Variants in PLXDC2 observed in about 807,000 individuals in gnomAD.
PLXDC2 encodes the protein plexin domain-containing protein 2.
A neutral mutation model predicts 68.9 loss-of-function variants in PLXDC2; 40 were observed. The ratio of observed to expected loss-of-function variants is 0.58; its 90% CI spans 0.45 to 0.76. The LOEUF (loss-of-function observed/expected upper bound fraction) is 0.76. Ranked by LOEUF, PLXDC2 falls within the 30% of genes least tolerant of loss-of-function variation. PLXDC2 has a pLI of 0.00. For missense variants in PLXDC2, 644 were observed against 661.9 expected (o/e 0.97, Z 0.30); for synonymous variants, 243 against 234.2 (o/e 1.04, Z -0.34).
chr10:19,858,934 C>T (rs1837266522), intron 1 of PLXDC2, among the ~76,000 whole-genome samples: 1 of 151,556 alleles, frequency 6.6e-6, no homozygotes, highest in African/African-American at 2.4e-5. Flanking sequence ...ATGGCGCCAA[C>T]ATCTACATCT....
At chr10:19,970,314 A>G (rs926384519) in intron 1 of PLXDC2, among the ~76,000 whole-genome samples, 6 of 152,196 alleles carry the variant, frequency 3.9e-5, no homozygotes, top group Non-Finnish European at 4.4e-5. Flanking sequence ...CTGCCTCATC[A>G]TCATCATAAT....
At chr10:20,141,959 T>A (rs922567520) in intron 4 of PLXDC2, among the ~76,000 whole-genome samples, 1 of 151,990 alleles carries the variant, frequency 6.6e-6, no homozygotes, top group African/African-American at 2.4e-5. Context: ...CAGTTAAAAA[T>A]TTTTTTAGAT....
At chr10:20,095,816 G>T (rs1833342221) in intron 4 of PLXDC2, among the ~76,000 whole-genome samples, 1 of 152,108 alleles carries the variant, frequency 6.6e-6, no homozygotes, top group African/African-American at 2.4e-5. Context: ...GCTTAAAGAA[G>T]AAAATAGTTA....
At chr10:20,123,290 T>G (rs576918062) in intron 4 of PLXDC2, among the ~76,000 whole-genome samples, 25 of 151,664 alleles carry the variant, frequency 1.6e-4, no homozygotes, top group Non-Finnish European at 2.5e-4. Flanking sequence ...ACGCTTGGGG[T>G]TGGGACTGAG....
rs115047935 is a variant in PLXDC2 at position 20,091,735 on chromosome 10, T to C, written c.541+23496T>C. 415 of 152,338 alleles carry C rather than the reference T, an allele frequency of 2.7e-3. 1 individual carries two copies. Among genetic ancestry groups the C allele is most frequent in the African/African-American group, 9.6e-3 (398 of 41,570 alleles). The allele number at this position is 152,338 out of a possible 1,614,324, so 9.4% of individuals were successfully genotyped here. A position where few individuals can be genotyped will look rare whatever the true frequency, so the allele number is the denominator to read the frequency against. ...AGGGCTCCTCCTCAGATTCCTTACC[T>C]GGATTATCCCTGCAGGTCCTAGGGC... On this transcript the variant is annotated intron_variant, in intron 4 of 13. Transcript: ENST00000377252.
intron 4 of PLXDC2, among the ~76,000 whole-genome samples, chr10:20,127,602 A>G (rs1187937742): frequency 6.6e-6 from 1 of 152,210 alleles, no homozygotes; most frequent in Non-Finnish European, 1.5e-5. Flanking sequence ...ATCCAAAGGC[A>G]GCCCCCTCTT....
intron 7 of PLXDC2, among the ~76,000 whole-genome samples, chr10:20,172,097 G>A (rs1280861225): frequency 6.6e-6 from 1 of 151,946 alleles, no homozygotes; most frequent in African/African-American, 2.4e-5. Context: ...ACATTTATAC[G>A]AATTTAAAAG....
At chr10:19,955,366 T>C (rs1294851063) in intron 1 of PLXDC2, among the ~76,000 whole-genome samples, 1 of 151,828 alleles carries the variant, frequency 6.6e-6, no homozygotes, top group Admixed American at 6.6e-5. Context: ...CTGAACTATG[T>C]TCCTAGAAAA....
intron 1 of PLXDC2, among the ~76,000 whole-genome samples, chr10:19,952,757 A>G (rs1479105904): frequency 1.3e-5 from 2 of 152,240 alleles, no homozygotes; most frequent in African/African-American, 4.8e-5. Context: ...TGAGATCTGT[A>G]GAAGAATAGG....
At chr10:20,276,657 G>A (rs1402304568) in intron 13 of PLXDC2, among the ~76,000 whole-genome samples, 2 of 152,100 alleles carry the variant, frequency 1.3e-5, no homozygotes, top group African/African-American at 4.8e-5. Context: ...TGCCCTGTTA[G>A]CGAGTGACCC....
At chr10:20,092,428 A>G (rs1833292216) in intron 4 of PLXDC2, among the ~76,000 whole-genome samples, 1 of 152,134 alleles carries the variant, frequency 6.6e-6, no homozygotes. Flanking sequence ...TGCTTGACCT[A>G]TAGTAAGTGC....
intron 13 of PLXDC2, among the ~76,000 whole-genome samples, chr10:20,271,886 T>C (rs943087013): frequency 6.6e-6 from 1 of 152,204 alleles, no homozygotes; most frequent in African/African-American, 2.4e-5. Flanking sequence ...CAAATCTCAT[T>C]GGTTAGCTCC....
chr10:19,938,762 C>G (rs556644613), intron 1 of PLXDC2, among the ~76,000 whole-genome samples: 6 of 152,138 alleles, frequency 3.9e-5, no homozygotes, highest in Admixed American at 6.5e-5. Flanking sequence ...GGTAAGCAAT[C>G]AGCAGTACAT....
At chr10:20,250,630 C>T (rs1213837401) in intron 13 of PLXDC2, among the ~76,000 whole-genome samples, 1 of 152,168 alleles carries the variant, frequency 6.6e-6, no homozygotes, top group East Asian at 1.9e-4. Context: ...AGACTATGCC[C>T]ATAACCACCA....
chr10:20,022,274 G>A (rs1835325008), intron 2 of PLXDC2, among the ~76,000 whole-genome samples: 1 of 152,158 alleles, frequency 6.6e-6, no homozygotes, highest in Admixed American at 6.5e-5. Flanking sequence ...AGTAAATGAA[G>A]CAGATACAAA....
At chr10:20,125,502 A>C (rs1833761027) in intron 4 of PLXDC2, among the ~76,000 whole-genome samples, 1 of 152,170 alleles carries the variant, frequency 6.6e-6, no homozygotes, top group African/African-American at 2.4e-5. Flanking sequence ...AACATCTGAG[A>C]AAATGTAGGC....
chr10:20,005,062 G>C (rs1458582617), intron 2 of PLXDC2, among the ~76,000 whole-genome samples: 1 of 152,154 alleles, frequency 6.6e-6, no homozygotes, highest in Admixed American at 6.5e-5. Context: ...TTAGGTTTTA[G>C]TATTTTCCTA....
chr10:19,977,453 G>T (rs1202238946), intron 1 of PLXDC2, among the ~76,000 whole-genome samples: 1 of 152,166 alleles, frequency 6.6e-6, no homozygotes, highest in East Asian at 1.9e-4. Flanking sequence ...GAGGCCACTG[G>T]GGGAGGGGGC....
At chr10:19,890,422 C>A (rs953712360) in intron 1 of PLXDC2, among the ~76,000 whole-genome samples, 1 of 151,994 alleles carries the variant, frequency 6.6e-6, no homozygotes, top group Non-Finnish European at 1.5e-5. Flanking sequence ...CCCTAGTGGT[C>A]CTCAGTGCCT....
Sources: gnomAD v4.1 joint callset for allele counts (sites outside exome capture counted in the v4.1 genomes callset) on GRCh38, gnomAD v4.1.1 for gene constraint, MANE v1.5 for transcripts, NCBI Gene and HGNC (gene_info 2026-07-23, HGNC 2026-07-21) for gene names.